The following ALG6 variants were observed in gnomAD, a reference collection of about 807,000 sequenced individuals.
ALG6 encodes dolichyl pyrophosphate Man9GlcNAc2 alpha-1,3-glucosyltransferase.
A neutral mutation model predicts 66.6 loss-of-function variants in ALG6; 46 were observed. The observed-to-expected ratio is 0.69, with a 90% CI of 0.55 to 0.88. The LOEUF (loss-of-function observed/expected upper bound fraction) is 0.88. ALG6 is among the 40% of genes least tolerant of loss of function. ALG6 has a pLI of 0.00. For missense variants in ALG6, 505 were observed against 586.8 expected (o/e 0.86, Z 1.44); for synonymous variants, 185 against 203.7 (o/e 0.91, Z 0.78).
intron 9 of ALG6, 160 bp from the exon 10 acceptor site, chr1:63,413,901 C>T (rs967853657): frequency 9.3e-5 from 54 of 583,524 alleles, no homozygotes; most frequent in African/African-American, 6.8e-4. Context: ...ACAGTGTATG[C>T]GTATATGTTT....
intron 1 of ALG6, among the ~76,000 whole-genome samples, chr1:63,369,639 GA>G (rs71045898): frequency 6.8e-6 from 1 of 147,306 alleles, no homozygotes; most frequent in Admixed American, 6.8e-5. Context: ...CAAAAAAAAA[GA>G]AAAAAAAACA....
chr1:63,368,104 T>G (rs1570022875), intron 1 of ALG6, among the ~76,000 whole-genome samples: 1 of 152,186 alleles, frequency 6.6e-6, no homozygotes, highest in African/African-American at 2.4e-5. Context: ...ACGGCGGGCT[T>G]GGCATTTGTC....
chr1:63,418,235 ATAGTT>A (rs1570076720), intron 11 of ALG6, among the ~76,000 whole-genome samples: 1 of 150,610 alleles, frequency 6.6e-6, no homozygotes, highest in Admixed American at 6.6e-5. Context: ...GAAGGTTTCT[ATAGTT>A]TAGGGTTTTT....
chr1:63,383,577 G>A (rs901262135), intron 2 of ALG6, among the ~76,000 whole-genome samples: 1 of 151,962 alleles, frequency 6.6e-6, no homozygotes, highest in Non-Finnish European at 1.5e-5. Flanking sequence ...CACTGCACCT[G>A]GCTAACATGA....
At chr1:63,411,119 G>A in intron 7 of ALG6, 27 bp from the exon 8 acceptor site, 4 of 1,610,848 alleles carry the variant, frequency 2.5e-6, no homozygotes, top group Non-Finnish European at 3.4e-6. Context: ...AAAGATTATT[G>A]AGATAATTTC....
Position 63,437,034 on chromosome 1 carries a change from CAAATTGTTTCCT to C in ALG6, c.*18_*29del, listed in dbSNP as rs752915653. The C allele has an allele frequency of 1.9e-6, 3 of 1,607,002 alleles. No homozygotes were observed. The African/African-American group carries it at 4.0e-5, about 21-fold the overall frequency. The stretch of plus-strand genomic sequence containing the variant: ...AAAATCAGCTAGCTGTATTCCTAAA[CAAATTGTTTCCT>C]AAACAAATGTGAAAATGTGAACAGT... On this transcript the variant is annotated 3_prime_UTR_variant, in exon 15 of 15. Coordinates refer to ENST00000263440, the MANE Select transcript of ALG6 (RefSeq NM_013339.4).
At chr1:63,416,313 T>G (rs918425153) in intron 11 of ALG6, among the ~76,000 whole-genome samples, 1 of 152,258 alleles carries the variant, frequency 6.6e-6, no homozygotes, top group East Asian at 1.9e-4. Context: ...AAGGGAGATA[T>G]TATCTCGGGG....
At chr1:63,384,564 A>G (rs764966246) in intron 2 of ALG6, among the ~76,000 whole-genome samples, 1 of 152,194 alleles carries the variant, frequency 6.6e-6, no homozygotes, top group Non-Finnish European at 1.5e-5. Flanking sequence ...ATTTTTGCCC[A>G]GACCAATGTC....
chr1:63,422,437 A>C lies in ALG6; in HGVS notation c.1058+2997A>C, dbSNP rs1233494662. On this transcript the variant is annotated intron_variant, in intron 12 of 14. Transcript: ENST00000263440. ...TAAATATATATATAAATATAAATAT[A>C]TATATAAATATATATATAAATATAA... 1.6e-4 allele frequency among the ~76,000 whole-genome samples: 6 copies of C among 37,172 alleles called. No homozygotes were observed. In the East Asian group the frequency reaches 5.9e-3, roughly 37 times the overall value. 24.4% of individuals were successfully genotyped at this position (37,172 alleles called of 152,430 possible). A position where few individuals can be genotyped will look rare whatever the true frequency, so the allele number is the denominator to read the frequency against.
At chr1:63,379,076 T>A (rs538380424) in intron 2 of ALG6, among the ~76,000 whole-genome samples, 2 of 152,312 alleles carry the variant, frequency 1.3e-5, no homozygotes, top group East Asian at 1.9e-4. Context: ...ATCTGCATTC[T>A]GATTTCATAG....
rs1485278750 is a variant in ALG6 at position 63,437,074 on chromosome 1, T to C, written c.*54T>C. 15 of 1,517,422 alleles carry C rather than the reference T, an allele frequency of 9.9e-6. No individual in the cohort carries two copies. Among genetic ancestry groups the C allele is most frequent in the Non-Finnish European group, 1.4e-5 (15 of 1,104,344 alleles). 94.0% of individuals were successfully genotyped at this position (1,517,422 alleles called of 1,614,324 possible). A position where few individuals can be genotyped will look rare whatever the true frequency, so the allele number is the denominator to read the frequency against. ...ACAAATGTGAAAATGTGAACAGTGC[T>C]GAAAGGTTTTGTGAACTTTTTGCTA... On this transcript the variant is annotated 3_prime_UTR_variant, in exon 15 of 15. Transcript: ENST00000263440.
rs1286505471 is a variant in ALG6, at chr1:63,400,285, A to G, written c.168-1969A>G. Among the ~76,000 whole-genome samples the G allele has an allele frequency of 6.7e-4, 15 of 22,328 alleles. 4 individuals are homozygous for G. The highest frequency in any genetic ancestry group is 4.3e-3 in the African/African-American group (11 of 2,536). 14.6% of individuals were successfully genotyped at this position (22,328 alleles called of 152,430 possible). ...TATATATACGTATATATATATACGT[A>G]TATATATATACGTATATATATGTAT... is the stretch of plus-strand genomic sequence containing the variant. On this transcript the variant is annotated intron_variant, in intron 3 of 14. Coordinates refer to ENST00000263440, the MANE Select transcript of ALG6 (RefSeq NM_013339.4).
chr1:63,426,653 C>T (rs1436881049), intron 12 of ALG6, among the ~76,000 whole-genome samples: 1 of 152,090 alleles, frequency 6.6e-6, no homozygotes, highest in Non-Finnish European at 1.5e-5. Flanking sequence ...AAGTGAGCCT[C>T]CCACTTCAGC....
chr1:63,400,526 T>C (rs1644459987), intron 3 of ALG6, among the ~76,000 whole-genome samples: 1 of 151,458 alleles, frequency 6.6e-6, no homozygotes, highest in Admixed American at 6.6e-5. Context: ...AGCACTGTTA[T>C]AAATCCTATA....
chr1:63,425,796 G>C (rs1211749646), intron 12 of ALG6, among the ~76,000 whole-genome samples: 1 of 152,146 alleles, frequency 6.6e-6, no homozygotes, highest in Non-Finnish European at 1.5e-5. Flanking sequence ...ATGTATGGGA[G>C]TGATTATAAT....
chr1:63,418,078 G>A (rs1210870121), intron 11 of ALG6, among the ~76,000 whole-genome samples: 1 of 151,012 alleles, frequency 6.6e-6, no homozygotes, highest in African/African-American at 2.4e-5. Context: ...AGGTTGCGGC[G>A]AGTGGAGATT....
intron 12 of ALG6, among the ~76,000 whole-genome samples, chr1:63,426,420 G>C (rs1302193161): frequency 1.3e-5 from 2 of 152,240 alleles, no homozygotes; most frequent in Non-Finnish European, 2.9e-5. Context: ...GTGGTAAAGG[G>C]AGGGGTTCAG....
intron 4 of ALG6, 131 bp downstream of exon 4, chr1:63,402,474 T>C: frequency 1.7e-6 from 1 of 603,462 alleles, no homozygotes. Flanking sequence ...TTTTTTTTTT[T>C]TTTTTTTTTT....
chr1:63,414,230 T>G (rs1017350558), intron 10 of ALG6, 84 bp downstream of exon 10: 2 of 1,070,542 alleles, frequency 1.9e-6, no homozygotes, highest in Non-Finnish European at 2.8e-6. Context: ...TTTGGCATCA[T>G]TAGGGAATGA....
Sources: allele counts gnomAD v4.1 joint callset (sites outside exome capture counted in the v4.1 genomes callset), GRCh38; gene constraint gnomAD v4.1.1; transcripts MANE v1.5; gene names NCBI Gene and HGNC (gene_info 2026-07-23, HGNC 2026-07-21).